The following KHDRBS2 variants were observed in gnomAD, a reference collection of about 807,000 sequenced individuals.
KHDRBS2 encodes the protein KH domain-containing, RNA-binding, signal transduction-associated protein 2.
A neutral mutation model predicts 44.3 loss-of-function variants in KHDRBS2; 26 were observed. That is an observed-to-expected ratio of 0.59 (90% confidence interval 0.43 to 0.81). KHDRBS2 has a LOEUF of 0.81. Among genes scored for constraint, KHDRBS2 ranks in the 40% least tolerant of loss-of-function variants. The pLI is 0.00. For synonymous variants in KHDRBS2, 194 were observed against 151.1 expected (o/e 1.28, Z -2.08); for missense variants, 476 against 433.1 (o/e 1.10, Z -0.88).
intron 2 of KHDRBS2, among the ~76,000 whole-genome samples, chr6:62,162,164 C>T (rs377498914): frequency 6.6e-6 from 1 of 151,946 alleles, no homozygotes; most frequent in East Asian, 1.9e-4. Context: ...TCTTTATTTA[C>T]CTTTATTAAG....
rs138991432 is a variant in KHDRBS2 at position 62,123,717 on chromosome 6, C to T, written c.219+53468G>A. ...AAATATGAAAACATTTGAACCTTATCACTGATAATGCCACTCGATGAGATG... is the reference window on the plus strand; with the variant it reads ...AAATATGAAAACATTTGAACCTTATTACTGATAATGCCACTCGATGAGATG... On this transcript the variant is annotated intron_variant, in intron 2 of 8. Transcript: ENST00000281156. Among the ~76,000 whole-genome samples the T allele has an allele frequency of 1.1e-3, 162 of 152,274 alleles. 1 individual carries two copies. Among genetic ancestry groups the T allele is most frequent in the African/African-American group, 3.7e-3 (152 of 41,562 alleles).
At chr6:61,866,371 C>T (rs1173680855) in intron 6 of KHDRBS2, among the ~76,000 whole-genome samples, 4 of 152,308 alleles carry the variant, frequency 2.6e-5, no homozygotes, top group South Asian at 4.1e-4. Flanking sequence ...GGCCACGGTC[C>T]GAGCTCTATG....
intron 1 of KHDRBS2, among the ~76,000 whole-genome samples, chr6:62,281,055 G>C (rs1360809202): frequency 6.6e-6 from 1 of 152,140 alleles, no homozygotes; most frequent in Non-Finnish European, 1.5e-5. Flanking sequence ...AGCCTGAATA[G>C]GTCTGAAATT....
chr6:62,174,644 T>A (rs1395555981), intron 2 of KHDRBS2, among the ~76,000 whole-genome samples: 1 of 151,788 alleles, frequency 6.6e-6, no homozygotes, highest in African/African-American at 2.4e-5. Context: ...TGTAGTAAAG[T>A]CTTGAGAGGG....
At chr6:62,013,994 C>T (rs1395348470) in intron 3 of KHDRBS2, among the ~76,000 whole-genome samples, 4 of 152,116 alleles carry the variant, frequency 2.6e-5, no homozygotes, top group South Asian at 2.1e-4. Context: ...TTATGTGTGA[C>T]GAGAGTGTCA....
chr6:61,736,212 T>TCA (rs376298733), intron 6 of KHDRBS2, among the ~76,000 whole-genome samples: 26,717 of 135,408 alleles, frequency 0.2, 2,569 homozygotes, highest in African/African-American at 0.23. Flanking sequence ...TTACTTTACT[T>TCA]CACACACACA....
intron 6 of KHDRBS2, among the ~76,000 whole-genome samples, chr6:61,783,409 C>T (rs921549712): frequency 3.3e-5 from 5 of 151,988 alleles, no homozygotes; most frequent in Non-Finnish European, 5.9e-5. Context: ...TGTCAGTCTC[C>T]GCAGAAGACT....
intron 4 of KHDRBS2, among the ~76,000 whole-genome samples, chr6:61,927,631 A>G (rs1809226474): frequency 7.2e-5 from 11 of 152,114 alleles, no homozygotes; most frequent in Admixed American, 7.2e-4. Context: ...CAAACTCCCC[A>G]ATCTATTGCT....
chr6:62,138,586 T>A (rs1027591711), intron 2 of KHDRBS2, among the ~76,000 whole-genome samples: 3 of 152,172 alleles, frequency 2.0e-5, no homozygotes, highest in African/African-American at 7.2e-5. Flanking sequence ...TTTCACTTAA[T>A]CCTAAAATAG....
At position 62,147,255 on chromosome 6, in the gene KHDRBS2, A is replaced by G. The variant is rs369665020; in HGVS notation, c.219+29930T>C. On this transcript the variant is annotated intron_variant, in intron 2 of 8. Transcript: ENST00000281156. ...GCTTCAAGGACTTTGGAGATGGCCCAAACTGAAGTCAGCAAAAGTCTTTTT... is the reference window on the plus strand; with the variant it reads ...GCTTCAAGGACTTTGGAGATGGCCCGAACTGAAGTCAGCAAAAGTCTTTTT... 1.8e-3 allele frequency among the ~76,000 whole-genome samples: 273 copies of G among 152,060 alleles called. 9 individuals are homozygous for G. In the South Asian group the frequency reaches 0.051, roughly 29 times the overall value.
chr6:61,568,691 C>T, the KHDRBS2 span, among the ~76,000 whole-genome samples: 4 of 152,130 alleles, frequency 2.6e-5, no homozygotes, highest in African/African-American at 9.7e-5. Context: ...CTAGATCTTA[C>T]ATGGATTTAG....
intron 2 of KHDRBS2, among the ~76,000 whole-genome samples, chr6:62,105,299 C>A (rs533046723): frequency 6.6e-6 from 1 of 152,156 alleles, no homozygotes; most frequent in South Asian, 2.1e-4. Context: ...TCTGGTATCA[C>A]AAACAGAAAA....
At chr6:62,136,979 G>GCTTT (rs1314086986) in intron 2 of KHDRBS2, among the ~76,000 whole-genome samples, 1 of 145,482 alleles carries the variant, frequency 6.9e-6, no homozygotes, top group Non-Finnish European at 1.5e-5. Context: ...CTGACTTTCA[G>GCTTT]CTTTCTTTCT....
chr6:62,251,540 A>G lies in KHDRBS2; in HGVS notation c.91+34318T>C, dbSNP rs151193554. On this transcript the variant is annotated intron_variant, in intron 1 of 8. Transcript: ENST00000281156. The stretch of plus-strand genomic sequence containing the variant: ...AGGTGAGATTAAACCTAAGCAGTCC[A>G]AATCCAAAGTCCCTACACTTACAAC... 2.5e-3 allele frequency among the ~76,000 whole-genome samples: 386 copies of G among 151,876 alleles called. 3 individuals are homozygous for G. Among genetic ancestry groups the G allele is most frequent in the African/African-American group, 8.5e-3 (353 of 41,484 alleles).
intron 6 of KHDRBS2, among the ~76,000 whole-genome samples, chr6:61,867,989 T>C (rs1297543434): frequency 6.6e-6 from 1 of 152,190 alleles, no homozygotes; most frequent in Non-Finnish European, 1.5e-5. Context: ...GCAGCTGTGC[T>C]ATGTTGGGGG....
intron 7 of KHDRBS2, among the ~76,000 whole-genome samples, chr6:61,730,023 A>G (rs1306993575): frequency 1.3e-5 from 2 of 152,184 alleles, no homozygotes; most frequent in Admixed American, 6.6e-5. Context: ...TCTAGTGTGT[A>G]TCTATTTCTA....
At chr6:61,980,580 G>A (rs1773633229) in intron 3 of KHDRBS2, among the ~76,000 whole-genome samples, 1 of 152,138 alleles carries the variant, frequency 6.6e-6, no homozygotes, top group Admixed American at 6.5e-5. Context: ...TGATCTGAGG[G>A]ATCAAAATTG....
intron 6 of KHDRBS2, among the ~76,000 whole-genome samples, chr6:61,767,401 A>G (rs1780171654): frequency 6.6e-6 from 1 of 152,016 alleles, no homozygotes; most frequent in East Asian, 1.9e-4. Flanking sequence ...TCTTGTTTTT[A>G]TTTAATCCAT....
intron 4 of KHDRBS2, among the ~76,000 whole-genome samples, chr6:61,942,122 A>G (rs1027254382): frequency 4.0e-5 from 6 of 150,026 alleles, no homozygotes; most frequent in South Asian, 2.2e-4. Flanking sequence ...CACCTACCCA[A>G]TTAAAAAAAA....
Sources: allele counts gnomAD v4.1 joint callset (sites outside exome capture counted in the v4.1 genomes callset), GRCh38; gene constraint gnomAD v4.1.1; transcripts MANE v1.5; gene names NCBI Gene and HGNC (gene_info 2026-07-23, HGNC 2026-07-21).